The following CCDC170 variants were observed in gnomAD, a reference collection of about 807,000 sequenced individuals.
The protein encoded by CCDC170 is coiled-coil domain-containing protein 170.
CCDC170 carries 69 observed loss-of-function variants against 72.6 expected under a neutral mutation model. The observed-to-expected ratio is 0.95, with a 90% CI of 0.78 to 1.16. CCDC170 has a LOEUF of 1.16. CCDC170 is among the 50% of genes most tolerant of loss of function. The pLI, the probability that CCDC170 is intolerant of heterozygous loss-of-function variation, is 0.00. For synonymous variants in CCDC170, 300 were observed against 303.9 expected (o/e 0.99, Z 0.13); for missense variants, 852 against 832.5 (o/e 1.02, Z -0.29).
At chr6:151,540,044 A>G (rs181599373) in intron 3 of CCDC170, among the ~76,000 whole-genome samples, 10 of 152,264 alleles carry the variant, frequency 6.6e-5, no homozygotes, top group Non-Finnish European at 1.5e-5. Flanking sequence ...TCTCACCTGG[A>G]GTATTGTAAT....
chr6:151,615,699 T>A lies in CCDC170; in HGVS notation c.1947+20T>A. ...AAGCAGGTGGGTCTAAATCTGGTGA[T>A]GAAACCTTGTTTAGGAAATGACAGG... On this transcript the variant is annotated intron_variant, in intron 10 of 10. Transcript: ENST00000239374. The A allele has an allele frequency of 1.3e-6, 2 of 1,519,110 alleles. No individual in the cohort carries two copies. Among genetic ancestry groups the A allele is most frequent in the South Asian group, 1.1e-5 (1 of 87,250 alleles). 94.1% of individuals were successfully genotyped at this position (1,519,110 alleles called of 1,614,324 possible).
At chr6:151,582,329 G>A (rs1409280231) in intron 6 of CCDC170, among the ~76,000 whole-genome samples, 1 of 152,158 alleles carries the variant, frequency 6.6e-6, no homozygotes, top group African/African-American at 2.4e-5. Context: ...TATGGAGATG[G>A]CTTCTTTCCT....
intron 1 of CCDC170, among the ~76,000 whole-genome samples, chr6:151,508,396 G>A (rs1254435691): frequency 6.6e-6 from 1 of 151,998 alleles, no homozygotes; most frequent in Non-Finnish European, 1.5e-5. Context: ...AATTAGCCAG[G>A]CATAGTGGGG....
chr6:151,614,629 A>ATTTTTTTTT (rs34242496), intron 9 of CCDC170, among the ~76,000 whole-genome samples: 1 of 135,116 alleles, frequency 7.4e-6, no homozygotes. Flanking sequence ...TAACTTTTGT[A>ATTTTTTTTT]TTTTTTTTTT....
chr6:151,613,002 A>T (rs1776899070), intron 9 of CCDC170, among the ~76,000 whole-genome samples: 1 of 152,020 alleles, frequency 6.6e-6, no homozygotes, highest in Admixed American at 6.6e-5. Flanking sequence ...TGATATGTTT[A>T]TTTATTTATT....
At chr6:151,588,789 A>C (rs1265698048) in intron 7 of CCDC170, among the ~76,000 whole-genome samples, 2 of 151,898 alleles carry the variant, frequency 1.3e-5, no homozygotes, top group Non-Finnish European at 2.9e-5. Context: ...AAAAACACAA[A>C]ATTTAGCTGG....
intron 6 of CCDC170, among the ~76,000 whole-genome samples, chr6:151,574,587 A>C (rs1220868826): frequency 6.6e-6 from 1 of 152,180 alleles, no homozygotes; most frequent in Non-Finnish European, 1.5e-5. Context: ...CGTCAATCAC[A>C]TTCACAGGTC....
chr6:151,508,403 G>A (rs113642355), intron 1 of CCDC170, among the ~76,000 whole-genome samples: 2 of 150,652 alleles, frequency 1.3e-5, no homozygotes, highest in African/African-American at 5.0e-5. Flanking sequence ...CAGGCATAGT[G>A]GGGGGGCGCC....
At chr6:151,538,869 A>T (rs1256436376) in intron 3 of CCDC170, among the ~76,000 whole-genome samples, 1 of 152,220 alleles carries the variant, frequency 6.6e-6, no homozygotes, top group East Asian at 1.9e-4. Context: ...AACAAAATAC[A>T]TGGTATTTAT....
intron 7 of CCDC170, among the ~76,000 whole-genome samples, chr6:151,589,528 G>A (rs1039183489): frequency 6.6e-6 from 1 of 151,902 alleles, no homozygotes; most frequent in Non-Finnish European, 1.5e-5. Context: ...CCTAAGCACT[G>A]TAAATCCTGT....
rs529924102 is a variant in CCDC170, at chr6:151,533,654, C to T, written c.58-2664C>T. ...TGCACTCTAGCCTGGGCAACAAGAG[C>T]GAAACTCCATCTCAAAAAAAAAAAA... is the stretch of plus-strand genomic sequence containing the variant. On this transcript the variant is annotated intron_variant, in intron 1 of 10. Transcript: ENST00000239374. Among the ~76,000 whole-genome samples the T allele has an allele frequency of 5.4e-4, 64 of 118,258 alleles. 1 individual carries two copies. Among genetic ancestry groups the T allele is most frequent in the African/African-American group, 1.3e-3 (39 of 29,680 alleles). The allele number at this position is 118,258 out of a possible 152,430, so 77.6% of individuals were successfully genotyped here.
chr6:151,550,050 A>G (rs1782854951), intron 5 of CCDC170, among the ~76,000 whole-genome samples: 2 of 152,210 alleles, frequency 1.3e-5, no homozygotes, highest in South Asian at 2.1e-4. Flanking sequence ...TTATTTACAC[A>G]ATGAATTGGC....
intron 7 of CCDC170, among the ~76,000 whole-genome samples, chr6:151,592,024 A>G (rs1415981045): frequency 1.3e-5 from 2 of 152,022 alleles, no homozygotes; most frequent in Admixed American, 1.3e-4. Context: ...TTCCCAAGGA[A>G]GGTGCATGGG....
intron 6 of CCDC170, among the ~76,000 whole-genome samples, chr6:151,575,540 T>TC (rs1275868224): frequency 8.1e-6 from 1 of 123,948 alleles, no homozygotes; most frequent in Non-Finnish European, 1.7e-5. Flanking sequence ...TTTTTTTTTT[T>TC]TTTTTTTGAG....
At chr6:151,516,970 C>T (rs1782244538) in intron 1 of CCDC170, among the ~76,000 whole-genome samples, 1 of 152,222 alleles carries the variant, frequency 6.6e-6, no homozygotes, top group Non-Finnish European at 1.5e-5. Flanking sequence ...CCAACTTCCA[C>T]CCATGCAAGC....
chr6:151,586,184 T>C, intron 7 of CCDC170, 95 bp downstream of exon 7: 1 of 1,303,988 alleles, frequency 7.7e-7, no homozygotes, highest in Non-Finnish European at 1.1e-6. Flanking sequence ...TTTAGTTTGG[T>C]TAAGTCCTGG....
intron 1 of CCDC170, among the ~76,000 whole-genome samples, chr6:151,497,773 C>T (rs918605392): frequency 1.3e-5 from 2 of 151,678 alleles, no homozygotes; most frequent in Admixed American, 6.6e-5. Flanking sequence ...GTCAGGAGTT[C>T]GAGACCATCC....
At chr6:151,524,386 C>A in intron 1 of CCDC170, among the ~76,000 whole-genome samples, 1 of 152,164 alleles carries the variant, frequency 6.6e-6, no homozygotes, top group African/African-American at 2.4e-5. Flanking sequence ...CTACTTTGAC[C>A]ATGCAGGGGT....
Position 151,528,247 on chromosome 6 carries a change from G to C in CCDC170, c.58-8071G>C, listed in dbSNP as rs531689466. Among the ~76,000 whole-genome samples the C allele has an allele frequency of 3.2e-3, 485 of 152,120 alleles. 6 individuals carry two copies. The highest frequency in any genetic ancestry group is 0.011 in the African/African-American group (471 of 41,496). ...AATGGATGAGTTTTTATTTAATCTTGCCATTTTAAATAGGGGAAAAATTTT... is the reference window on the plus strand; with the variant it reads ...AATGGATGAGTTTTTATTTAATCTTCCCATTTTAAATAGGGGAAAAATTTT... On this transcript the variant is annotated intron_variant, in intron 1 of 10. Transcript: ENST00000239374.
Sources: gnomAD v4.1 joint callset for allele counts (sites outside exome capture counted in the v4.1 genomes callset) on GRCh38, gnomAD v4.1.1 for gene constraint, MANE v1.5 for transcripts, NCBI Gene and HGNC (gene_info 2026-07-23, HGNC 2026-07-21) for gene names.